SLC4A3: variants seen among roughly 807,000 people sequenced by gnomAD.
The protein encoded by SLC4A3 is solute carrier family 4 member 3, also known as anion exchange protein 3.
In SLC4A3, 47 loss-of-function variants were observed where a neutral mutation model predicts 114.2. The ratio of observed to expected loss-of-function variants is 0.41; its 90% CI spans 0.33 to 0.52. The LOEUF (loss-of-function observed/expected upper bound fraction) is 0.52, where lower values mean the gene tolerates loss of function less well. Among genes scored for constraint, SLC4A3 ranks in the 20% least tolerant of loss-of-function variants. SLC4A3 has a pLI of 0.21. For missense variants in SLC4A3, 1,312 were observed against 1,668.3 expected (o/e 0.79, Z 3.72); for synonymous variants, 693 against 710.3 (o/e 0.98, Z 0.39).
Position 219,635,863 on chromosome 2 carries a change from C to T in SLC4A3, c.2163C>T (p.Ser721=), listed in dbSNP as rs1230975343. Residue 721 remains serine (S), a synonymous_variant, in exon 14 of 23, where the codon AGC becomes AGT. Transcript: ENST00000358055. ...TCTTCATCTACTTCGCAGCCCTCAG[C>T]CCTGCCATCACCTTCGGGGGGCTGC... ...AVLFIYFAAL[S]PAITFGGLLG... is the part of the protein sequence containing the mutation. The T allele has an allele frequency of 6.5e-7, 1 of 1,545,390 alleles. No homozygotes were observed. The highest frequency in any genetic ancestry group is 8.7e-7 in the Non-Finnish European group (1 of 1,149,220).
rs976890389 is a variant in SLC4A3, at chr2:219,627,898, A to T, written c.-93-2A>T. ...GAACCTGACCCCGCCCTCCTCCCCC[A>T]GGGCTCCCCGCTAGGCCCCCTCAGT... On this transcript the variant is annotated splice_acceptor_variant, in intron 1 of 22. Coordinates refer to ENST00000358055, the MANE Select transcript of SLC4A3 (RefSeq NM_005070.4). LOFTEE classifies it low-confidence loss of function (5UTR_SPLICE). 3 of 942,716 alleles carry T rather than the reference A, an allele frequency of 3.2e-6. No individual in the cohort carries two copies. In the Admixed American group the frequency reaches 7.4e-5, roughly 23 times the overall value. 58.4% of individuals were successfully genotyped at this position (942,716 alleles called of 1,614,324 possible).
chr2:219,630,467 C>A lies in SLC4A3; in HGVS notation c.811+115C>A. ...GCTAAGGGCTGAGTCCTCTCTGAAT[C>A]CCTGTCTGCTGGGATGTGGCCAGTG... is the stretch of plus-strand genomic sequence containing the variant. On this transcript the variant is annotated intron_variant, in intron 6 of 22. Transcript: ENST00000358055. This position sits in a 1 kb window ranked among gnomAD's most constrained non-coding sequence, Gnocchi z 6.9. The A allele has an allele frequency of 1.7e-6, 2 of 1,153,664 alleles. No homozygotes were observed. Among genetic ancestry groups the A allele is most frequent in the African/African-American group, 1.5e-5 (1 of 64,870 alleles). The allele number at this position is 1,153,664 out of a possible 1,614,324, so 71.5% of individuals were successfully genotyped here.
chr2:219,630,276 T>C lies in SLC4A3; in HGVS notation c.735T>C (p.Gly245=), dbSNP rs1698874912. Residue 245 remains glycine (G), a synonymous_variant, in exon 6 of 23, where the codon GGT becomes GGC. Transcript: ENST00000358055. This position sits in a 1 kb window ranked among gnomAD's most constrained non-coding sequence, Gnocchi z 6.9. ...LCPGSALGNP[G]GPEQQVPTDE... ...CAGGCAGTGCCCTGGGCAACCCAGG[T>C]GGTCCAGAGCAGCAGGTGCCCACAG... The C allele has an allele frequency of 6.2e-7, 1 of 1,613,218 alleles. No individual in the cohort carries two copies. Among genetic ancestry groups the C allele is most frequent in the Non-Finnish European group, 8.5e-7 (1 of 1,179,872 alleles).
intron 13 of SLC4A3, 47 bp downstream of exon 13, chr2:219,635,543 C>G (rs558965271): frequency 6.6e-7 from 1 of 1,525,098 alleles, no homozygotes; most frequent in South Asian, 1.2e-5. Context: ...CTCCCCCATC[C>G]CAGGGCCCTA....
Position 219,639,565 on chromosome 2 carries a change from G to A in SLC4A3, c.3107G>A (p.Gly1036Glu). The A allele has an allele frequency of 1.2e-6, 2 of 1,614,084 alleles. No individual in the cohort carries two copies. The highest frequency in any genetic ancestry group is 3.3e-5 in the Admixed American group (2 of 60,026). ...LDLLLIGSLG[G>E]LCGLFGLPWL... ...CTGCTCCTCATTGGCTCCCTGGGGG[G>A]GCTCTGTGGGCTGTTTGGGTTGCCC... Residue 1036 changes from glycine (G) to glutamate (E), a missense_variant, in exon 20 of 23, where the codon GGG becomes GAG. Gly to Glu is a moderately conservative substitution (Grantham distance 98). Coordinates refer to ENST00000358055, the MANE Select transcript of SLC4A3 (RefSeq NM_005070.4). The surrounding 1 kb of genome is among the most constrained non-coding windows in gnomAD (Gnocchi z 5.9).
At chr2:219,635,065 G>A (rs919767394) in intron 12 of SLC4A3, among the ~76,000 whole-genome samples, 36 of 152,268 alleles carry the variant, frequency 2.4e-4, no homozygotes, top group African/African-American at 7.9e-4. Context: ...GGGAATGGAG[G>A]GCACCTGGGG....
rs757419961 is a variant in SLC4A3 at position 219,628,432 on chromosome 2, C to T, written c.79C>T (p.Leu27=). The T allele has an allele frequency of 5.0e-6, 8 of 1,613,202 alleles. 1 individual carries two copies. In the South Asian group the frequency reaches 8.8e-5, roughly 18 times the overall value. Reference sequence around the variant, plus strand: ...CCGGGTGCCCTTGGAGGAGCCCCCTCTAAGTCCAGACGTGGAGGAGGAGGA... The same window carrying T: ...CCGGGTGCCCTTGGAGGAGCCCCCTTTAAGTCCAGACGTGGAGGAGGAGGA... The part of the protein sequence containing the change: ...QVRVPLEEPP[L]SPDVEEEDDD... Residue 27 remains leucine (L), a synonymous_variant, in exon 3 of 23, where the codon CTA becomes TTA. Transcript: ENST00000358055. This position sits in a 1 kb window ranked among gnomAD's most constrained non-coding sequence, Gnocchi z 4.8.
At position 219,639,682 on chromosome 2, in the gene SLC4A3, T is replaced by G; in HGVS notation, c.3224T>G (p.Ile1075Ser). 5.0e-6 allele frequency: 8 copies of G among 1,612,484 alleles called. No homozygotes were observed. The highest frequency in any genetic ancestry group is 5.9e-6 in the Non-Finnish European group (7 of 1,180,006). The change falls in exon 20 of 23, where the codon ATC (isoleucine) becomes AGC (serine). Residue 1075 changes from isoleucine to serine, a missense_variant. This residue lies in a region of SLC4A3 where 301 missense variants were observed against 460.7 expected (regional missense o/e 0.65). Coordinates refer to ENST00000358055, the MANE Select transcript of SLC4A3 (RefSeq NM_005070.4). The surrounding 1 kb of genome is among the most constrained non-coding windows in gnomAD (Gnocchi z 5.9). ...TAIAPGDKPQ[I>S]QEVREQRVTG... Reference sequence around the variant, plus strand: ...ATCGCGCCTGGTGACAAGCCCCAGATCCAGGAGGTGCGGGAGCAGCGGGTC... The same window carrying G: ...ATCGCGCCTGGTGACAAGCCCCAGAGCCAGGAGGTGCGGGAGCAGCGGGTC...
In SLC4A3 at chr2:219,632,061, C is replaced by A. The variant is rs34369613; in HGVS notation, c.905C>A (p.Ala302Asp). Residue 302 changes from alanine to aspartate, a missense_variant, in exon 7 of 23, where the codon GCC (alanine) becomes GAC (aspartate). Transcript: ENST00000358055. Reference protein sequence around the residue: ...QGGRGSPSGLAPILRRKKKKK... With the variant: ...QGGRGSPSGLDPILRRKKKKK... ...GGGAGGGGCAGTCCCAGCGGCCTGG[C>A]CCCCATCCTTCGCAGGAAGAAGAAG... 7 of 1,613,738 alleles carry A rather than the reference C, an allele frequency of 4.3e-6. No homozygotes were observed. Among genetic ancestry groups the A allele is most frequent in the South Asian group, 1.1e-5 (1 of 91,074 alleles).
At position 219,638,746 on chromosome 2, in the gene SLC4A3, AG is replaced by A; in HGVS notation, c.2901del (p.Lys967AsnfsTer19). The A allele has an allele frequency of 6.2e-7, 1 of 1,614,118 alleles. No homozygotes were observed. Among genetic ancestry groups the A allele is most frequent in the Non-Finnish European group, 8.5e-7 (1 of 1,180,020 alleles). On this transcript the variant is annotated frameshift_variant, in exon 19 of 23. Transcript: ENST00000358055. LOFTEE classifies it high-confidence loss of function. This position sits in a 1 kb window ranked among gnomAD's most constrained non-coding sequence, Gnocchi z 7.5. Reference sequence around the variant, plus strand: ...GGGCTCTCAGTGACCTCTCCCGATAAGCGCTCGTGGTTCATCCCACCCCTGG... The same window carrying A: ...GGGCTCTCAGTGACCTCTCCCGATAACGCTCGTGGTTCATCCCACCCCTGG... Reference protein sequence around the residue: ...PTGLSVTSPDKRSWFIPPLGS... With the variant: ...PTGLSVTSPDXRSWFIPPLGS...
chr2:219,630,091 G>A lies in SLC4A3; in HGVS notation c.612-62G>A. The A allele has an allele frequency of 6.3e-7, 1 of 1,593,126 alleles. No individual in the cohort carries two copies. The highest frequency in any genetic ancestry group is 8.6e-7 in the Non-Finnish European group (1 of 1,168,452). Reference sequence around the variant, plus strand: ...CTCCAGGCCGTGCTCTGAGCTGAGGGACGGTGATGGAACCACCGACCTGGC... The same window carrying A: ...CTCCAGGCCGTGCTCTGAGCTGAGGAACGGTGATGGAACCACCGACCTGGC... On this transcript the variant is annotated intron_variant, in intron 5 of 22. Transcript: ENST00000358055. The surrounding 1 kb of genome is among the most constrained non-coding windows in gnomAD (Gnocchi z 6.9).
rs754042613 is a variant in SLC4A3, at chr2:219,640,749, C to T, written c.3448-40C>T. 4.5e-5 allele frequency: 72 copies of T among 1,596,860 alleles called. No homozygotes were observed. The Middle Eastern group carries it at 6.0e-4, about 13-fold the overall frequency. ...ACGATGTGGGTGGGTGGGAGCAGGC[C>T]GGGACGCTGTGCACTGGGGCCCACT... On this transcript the variant is annotated intron_variant, in intron 21 of 22. Coordinates refer to ENST00000358055, the MANE Select transcript of SLC4A3 (RefSeq NM_005070.4).
chr2:219,632,974 G>A lies in SLC4A3; in HGVS notation c.1242G>A (p.Arg414=), dbSNP rs1698982097. The A allele has an allele frequency of 6.2e-7, 1 of 1,613,944 alleles. No individual in the cohort carries two copies. Among genetic ancestry groups the A allele is most frequent in the Non-Finnish European group, 8.5e-7 (1 of 1,180,032 alleles). The change falls in exon 9 of 23, where the codon AGG becomes AGA. Residue 414 remains arginine (R), a synonymous_variant. Transcript: ENST00000358055. ...CTGACCAGATCCGGCCGGAGGACAG[G>A]GCCAGCGTCCTACGTACCCTGCTAC... The part of the protein sequence containing the change: ...IVSDQIRPED[R]ASVLRTLLLK...
chr2:219,640,310 G>A (rs1699280914), intron 20 of SLC4A3, 120 bp from the exon 21 acceptor site: 1 of 1,103,984 alleles, frequency 9.1e-7, no homozygotes, highest in Non-Finnish European at 1.3e-6. Context: ...CTCCCCCCAG[G>A]CCTCTCCATC....
In SLC4A3 at chr2:219,634,458, G is replaced by A. The variant is rs151023127; in HGVS notation, c.1600G>A (p.Val534Met). 1.5e-5 allele frequency: 25 copies of A among 1,613,986 alleles called. No individual in the cohort carries two copies. Among genetic ancestry groups the A allele is most frequent in the Middle Eastern group, 1.6e-4 (1 of 6,084 alleles). ...PFLEQPAAAF[V>M]RLNEAVLLES... ...CTTGGAGCAGCCTGCAGCAGCCTTCGTGCGTCTGAATGAGGCTGTACTCCT... is the reference window on the plus strand; with the variant it reads ...CTTGGAGCAGCCTGCAGCAGCCTTCATGCGTCTGAATGAGGCTGTACTCCT... The change falls in exon 12 of 23, where the codon GTG (valine) becomes ATG (methionine). Residue 534 changes from valine (V) to methionine (M), a missense_variant. Val to Met is a conservative substitution (Grantham distance 21, BLOSUM62 1). Transcript: ENST00000358055.
chr2:219,632,384 C>G lies in SLC4A3; in HGVS notation c.1083C>G (p.Pro361=). ...AGGAGACGGAGCGCTGGGGGAAGCC[C>G]CATGTTGCCTCGCTCTCCTTCCGTA... ...VEEETERWGK[P]HVASLSFRSL... The change falls in exon 8 of 23, where the codon CCC becomes CCG. Residue 361 remains proline, a synonymous_variant. Transcript: ENST00000358055. 3.7e-6 allele frequency: 6 copies of G among 1,613,470 alleles called. No individual in the cohort carries two copies. In the East Asian group the frequency reaches 1.3e-4, roughly 36 times the overall value.
At chr2:219,634,392 A>G (rs753764562) in intron 11 of SLC4A3, 28 bp from the exon 12 acceptor site, 3 of 1,610,874 alleles carry the variant, frequency 1.9e-6, no homozygotes, top group Non-Finnish European at 2.5e-6. Flanking sequence ...CTCTTTGCCC[A>G]GCGCCCTGTG....
chr2:219,636,234 C>T lies in SLC4A3; in HGVS notation c.2192-68C>T. The T allele has an allele frequency of 6.3e-7, 1 of 1,591,408 alleles. No individual in the cohort carries two copies. Among genetic ancestry groups the T allele is most frequent in the South Asian group, 1.1e-5 (1 of 90,390 alleles). The stretch of plus-strand genomic sequence containing the variant: ...TTTTGTTGGGGGCCCCAGTTTAGGA[C>T]AAGCTAGATGAAGAAGGGGGCAGAT... On this transcript the variant is annotated intron_variant, in intron 14 of 22. Transcript: ENST00000358055. This position sits in a 1 kb window ranked among gnomAD's most constrained non-coding sequence, Gnocchi z 5.5.
At chr2:219,640,325 CG>C in intron 20 of SLC4A3, 104 bp from the exon 21 acceptor site, 1 of 1,299,990 alleles carries the variant, frequency 7.7e-7, no homozygotes, top group African/African-American at 1.5e-5. Flanking sequence ...TCCATCCTCA[CG>C]GGGGCTGTCT....
Sources: allele counts gnomAD v4.1 joint callset (sites outside exome capture counted in the v4.1 genomes callset), GRCh38; gene constraint gnomAD v4.1.1; regional missense constraint gnomAD v4.1.1; non-coding constraint Gnocchi (gnomAD v3.1); transcripts MANE v1.5; gene names NCBI Gene and HGNC (gene_info 2026-07-23, HGNC 2026-07-21).